The following BRINP2 variants were observed in gnomAD, a reference collection of about 807,000 sequenced individuals.
BRINP2 encodes the protein BMP/retinoic acid-inducible neural-specific protein 2.
Under a neutral mutation model 69.2 loss-of-function variants are expected in BRINP2, and 21 were observed. The ratio of observed to expected loss-of-function variants is 0.30; its 90% CI spans 0.22 to 0.44. The LOEUF (loss-of-function observed/expected upper bound fraction) is 0.44, where lower values mean the gene tolerates loss of function less well. Ranked by LOEUF, BRINP2 falls within the 20% of genes least tolerant of loss-of-function variation. The pLI is 1.00. For missense variants in BRINP2, 877 were observed against 986.0 expected, an observed-to-expected ratio of 0.89 and a Z score of 1.48; for synonymous variants, 380 against 394.1, an observed-to-expected ratio of 0.96 and a Z score of 0.42.
At chr1:177,215,396 T>A (rs936212865) in intron 1 of BRINP2, among the ~76,000 whole-genome samples, 4 of 152,214 alleles carry the variant, frequency 2.6e-5, no homozygotes, top group African/African-American at 7.2e-5. Context: ...ATGGGCTATC[T>A]CTTATTTATC....
chr1:177,272,887 A>G (rs999026987), intron 4 of BRINP2, among the ~76,000 whole-genome samples: 7 of 152,230 alleles, frequency 4.6e-5, no homozygotes, highest in African/African-American at 1.7e-4. Flanking sequence ...AAATGACTCT[A>G]TGGTGTTTTG....
At chr1:177,244,975 C>T (rs979066971) in intron 2 of BRINP2, among the ~76,000 whole-genome samples, 1 of 152,138 alleles carries the variant, frequency 6.6e-6, no homozygotes, top group African/African-American at 2.4e-5. Flanking sequence ...AAGCTCCCCT[C>T]TCACAAGTGA....
In BRINP2 at chr1:177,280,034, G is replaced by C. The variant is rs147288054; in HGVS notation, c.1236-378G>C. On this transcript the variant is annotated intron_variant, in intron 7 of 7. Coordinates refer to ENST00000361539, the MANE Select transcript of BRINP2 (RefSeq NM_021165.4). ...CAGAAACCTTGAAGAGGGAATGGAAGTTGGCAAGAAGTTAGAAGATTTGAA... is the reference window on the plus strand; with the variant it reads ...CAGAAACCTTGAAGAGGGAATGGAACTTGGCAAGAAGTTAGAAGATTTGAA... Among the ~76,000 whole-genome samples the C allele has an allele frequency of 4.6e-3, 706 of 152,312 alleles. 6 individuals carry two copies. The highest frequency in any genetic ancestry group is 0.016 in the African/African-American group (685 of 41,580).
intron 1 of BRINP2, among the ~76,000 whole-genome samples, chr1:177,208,186 A>G (rs1352347400): frequency 6.6e-6 from 1 of 152,212 alleles, no homozygotes; most frequent in East Asian, 1.9e-4. Flanking sequence ...CAGTAAGAGC[A>G]ATGTCTGACA....
intron 3 of BRINP2, chr1:177,256,720 A>C: frequency 1.8e-6 from 2 of 1,081,540 alleles, no homozygotes; most frequent in Non-Finnish European, 2.3e-6. Flanking sequence ...CAATCGACTA[A>C]AACAAGCTCT....
chr1:177,221,932 G>A (rs925992966), intron 1 of BRINP2, among the ~76,000 whole-genome samples: 3 of 152,220 alleles, frequency 2.0e-5, no homozygotes, highest in Non-Finnish European at 4.4e-5. Flanking sequence ...GCAGGAGTGA[G>A]TACAATGGCA....
chr1:177,255,362 C>T (rs141387248), intron 2 of BRINP2, among the ~76,000 whole-genome samples: 3 of 152,182 alleles, frequency 2.0e-5, no homozygotes, highest in African/African-American at 4.8e-5. Context: ...TTGATTTTCT[C>T]GGTTTTGATT....
At chr1:177,266,357 AAT>A in intron 4 of BRINP2, among the ~76,000 whole-genome samples, 1 of 152,040 alleles carries the variant, frequency 6.6e-6, no homozygotes, top group African/African-American at 2.4e-5. Context: ...GCTTTACTCA[AAT>A]ATGTCATATT....
rs116262928 is a variant in BRINP2, at chr1:177,255,542, C to A, written c.270-377C>A. On this transcript the variant is annotated intron_variant, in intron 2 of 7. Transcript: ENST00000361539. ...TGAGGCCATGAGAGGGGATGTGACT[C>A]ATTCACGGTAAGACAACTGTGATTA... Among the ~76,000 whole-genome samples, 145 of 152,348 alleles carry A rather than the reference C, an allele frequency of 9.5e-4. 1 individual carries two copies. The highest frequency in any genetic ancestry group is 3.4e-3 in the African/African-American group (143 of 41,590).
intron 3 of BRINP2, chr1:177,256,778 G>C: frequency 8.9e-7 from 1 of 1,118,394 alleles, no homozygotes; most frequent in Non-Finnish European, 1.1e-6. Context: ...TTGAGTGTTT[G>C]ATGGGGAGGA....
chr1:177,173,568 GGTTCCTGCTCT>G (rs1356779527), intron 1 of BRINP2, among the ~76,000 whole-genome samples: 1 of 152,164 alleles, frequency 6.6e-6, no homozygotes, highest in African/African-American at 2.4e-5. Context: ...GAAGGAGGAA[GGTTCCTGCTCT>G]GTCAGCATGG....
chr1:177,254,671 A>G (rs2102345273), intron 2 of BRINP2, among the ~76,000 whole-genome samples: 1 of 149,074 alleles, frequency 6.7e-6, no homozygotes, highest in South Asian at 2.1e-4. Flanking sequence ...TTCAGACTTG[A>G]GTGTCTAGCA....
intron 4 of BRINP2, among the ~76,000 whole-genome samples, chr1:177,263,018 C>T (rs1008310323): frequency 3.9e-5 from 6 of 151,974 alleles, no homozygotes; most frequent in East Asian, 1.9e-4. Flanking sequence ...TGTGTATATA[C>T]GTGGCGAAAG....
intron 6 of BRINP2, among the ~76,000 whole-genome samples, 185 bp from the exon 7 acceptor site, chr1:177,278,375 TACA>T (rs1483776586): frequency 6.7e-6 from 1 of 148,708 alleles, no homozygotes; most frequent in Non-Finnish European, 1.5e-5. Context: ...GGCCATATTT[TACA>T]ACATGTTAAT....
intron 1 of BRINP2, among the ~76,000 whole-genome samples, chr1:177,184,456 G>A (rs1374978514): frequency 1.1e-4 from 16 of 152,066 alleles, no homozygotes; most frequent in Non-Finnish European, 2.2e-4. Context: ...ATTCATGACT[G>A]AGCCATCTAG....
intron 1 of BRINP2, among the ~76,000 whole-genome samples, chr1:177,225,668 GC>G (rs1649670979): frequency 6.6e-6 from 1 of 152,204 alleles, no homozygotes; most frequent in Admixed American, 6.5e-5. Flanking sequence ...ACAGGAAATG[GC>G]CAAAAGCTGT....
intron 1 of BRINP2, among the ~76,000 whole-genome samples, chr1:177,195,481 G>T (rs1271001345): frequency 6.7e-6 from 1 of 150,358 alleles, no homozygotes; most frequent in Non-Finnish European, 1.5e-5. Flanking sequence ...TTTCCTTTCA[G>T]CATTTTTCTC....
At chr1:177,197,306 C>T (rs1298564386) in intron 1 of BRINP2, among the ~76,000 whole-genome samples, 1 of 152,066 alleles carries the variant, frequency 6.6e-6, no homozygotes, top group Non-Finnish European at 1.5e-5. Context: ...CCAAATCTTG[C>T]AAGAACTCAC....
chr1:177,174,381 A>G (rs901520618), intron 1 of BRINP2, among the ~76,000 whole-genome samples: 1 of 152,252 alleles, frequency 6.6e-6, no homozygotes, highest in Admixed American at 6.5e-5. Context: ...GCAGTGAAGA[A>G]TAAAAGTCTC....
Sources: allele counts gnomAD v4.1 joint callset (sites outside exome capture counted in the v4.1 genomes callset), GRCh38; gene constraint gnomAD v4.1.1; transcripts MANE v1.5; gene names NCBI Gene and HGNC (gene_info 2026-07-23, HGNC 2026-07-21).